The following LRCH2 variants were observed in gnomAD, a reference collection of about 807,000 sequenced individuals.
LRCH2 encodes leucine rich repeats and calponin homology domain containing 2.
LRCH2 carries 38 observed loss-of-function variants against 68.9 expected under a neutral mutation model. The ratio of observed to expected loss-of-function variants is 0.55; its 90% CI spans 0.43 to 0.72. The LOEUF is 0.72. Ranked by LOEUF, LRCH2 falls within the 30% of genes least tolerant of loss-of-function variation. The pLI, the probability that LRCH2 is intolerant of heterozygous loss-of-function variation, is 0.00. For synonymous variants in LRCH2, 191 were observed against 208.1 expected, an observed-to-expected ratio of 0.92 and a Z score of 0.71; for missense variants, 528 against 572.9, an observed-to-expected ratio of 0.92 and a Z score of 0.80.
intron 1 of LRCH2, among the ~76,000 whole-genome samples, chrX:115,197,228 A>G (rs1349643959): frequency 9.0e-6 from 1 of 111,538 alleles, no homozygotes; most frequent in African/African-American, 3.3e-5. Context: ...TACAGAAAAC[A>G]TGAAAAAGCT....
intron 5 of LRCH2, among the ~76,000 whole-genome samples, chrX:115,174,345 C>T (rs1556549028): frequency 9.1e-6 from 1 of 110,059 alleles, no homozygotes; most frequent in Non-Finnish European, 1.9e-5. Flanking sequence ...AGGATGGTAC[C>T]GTTTAAAATC....
At chrX:115,137,194 G>A (rs1209688880) in intron 14 of LRCH2, among the ~76,000 whole-genome samples, 8 of 111,301 alleles carry the variant, frequency 7.2e-5, no homozygotes, top group African/African-American at 2.0e-4. Flanking sequence ...CCATTAATCA[G>A]TTATCACAAT....
rs1556551828 is a variant in LRCH2 at position 115,179,557 on chromosome X, C to T, written c.734G>A (p.Gly245Glu). The T allele has an allele frequency of 1.8e-6, 2 of 1,126,735 alleles. No homozygotes were observed. Among genetic ancestry groups the T allele is most frequent in the East Asian group, 3.4e-5 (1 of 29,681 alleles). The allele number at this position is 1,126,735 out of a possible 1,213,427, so 92.9% of individuals were successfully genotyped here. A position where few individuals can be genotyped will look rare whatever the true frequency, so the allele number is the denominator to read the frequency against. The change falls in exon 5 of 21, where the codon GGA (glycine) becomes GAA (glutamate). Residue 245 changes from glycine to glutamate, a missense_variant. By Grantham distance (98) the Gly-to-Glu change is moderately conservative. Coordinates refer to ENST00000317135, the MANE Select transcript of LRCH2 (RefSeq NM_020871.4). ...NNLHVLPDEL[G>E]DLPLVKLDFS... Reference sequence around the variant, plus strand: ...ATCCAGCTTGACTAAGGGAAGGTCTCCTAATTCTGGTCAGAAATGAAAAAT... The same window carrying T: ...ATCCAGCTTGACTAAGGGAAGGTCTTCTAATTCTGGTCAGAAATGAAAAAT...
intron 1 of LRCH2, among the ~76,000 whole-genome samples, chrX:115,207,557 T>C (rs939373855): frequency 9.0e-6 from 1 of 111,011 alleles, no homozygotes; most frequent in Non-Finnish European, 1.9e-5. Flanking sequence ...TAAAAATAAA[T>C]AAAAATCGGA....
chrX:115,194,641 G>A (rs1444550919), intron 1 of LRCH2, among the ~76,000 whole-genome samples: 4 of 112,087 alleles, frequency 3.6e-5, no homozygotes, highest in Non-Finnish European at 7.5e-5. Flanking sequence ...ATAGGGTTAA[G>A]AGAAAATGGA....
At chrX:115,227,152 G>A (rs1556576545) in intron 1 of LRCH2, among the ~76,000 whole-genome samples, 1 of 110,576 alleles carries the variant, frequency 9.0e-6, no homozygotes, top group African/African-American at 3.3e-5. Context: ...AGCCAGGTGT[G>A]GTGCTGCAGG....
intron 1 of LRCH2, among the ~76,000 whole-genome samples, chrX:115,231,695 A>G (rs1319541852): frequency 8.9e-6 from 1 of 112,213 alleles, no homozygotes; most frequent in African/African-American, 3.2e-5. Context: ...AAGGCTTAAA[A>G]GCCAAAGGCT....
chrX:115,165,317 T>C (rs962512328), intron 10 of LRCH2, 88 bp downstream of exon 10: 25 of 650,537 alleles, frequency 3.8e-5, no homozygotes, highest in Non-Finnish European at 4.1e-5. Context: ...CAAAAAATTA[T>C]ATTTTTTTCA....
intron 12 of LRCH2, among the ~76,000 whole-genome samples, chrX:115,151,234 G>C (rs1556538245): frequency 9.0e-6 from 1 of 111,257 alleles, no homozygotes; most frequent in African/African-American, 3.3e-5. Context: ...ACTAGCTCCA[G>C]AATCTACAGA....
chrX:115,142,047 T>C (rs1317270408), intron 14 of LRCH2, among the ~76,000 whole-genome samples: 1 of 110,932 alleles, frequency 9.0e-6, no homozygotes, highest in Non-Finnish European at 1.9e-5. Flanking sequence ...GATTTCAAGA[T>C]AAAAATGAAC....
At chrX:115,229,959 A>C (rs1556577914) in intron 1 of LRCH2, among the ~76,000 whole-genome samples, 1 of 112,109 alleles carries the variant, frequency 8.9e-6, no homozygotes, top group African/African-American at 3.2e-5. Context: ...TGTTTCACAG[A>C]CCTACTGCTC....
At chrX:115,190,619 G>GAGGCCGCTCGCCCAACGCCCACAGCGT in intron 1 of LRCH2, 1 of 1,058,742 alleles carries the variant, frequency 9.4e-7, no homozygotes, top group Non-Finnish European at 1.2e-6. Flanking sequence ...GAGGAGTACA[G>GAGGCCGCTCGCCCAACGCCCACAGCGT]AGGCCGCTCG....
chrX:115,218,811 C>T (rs1424297851), intron 1 of LRCH2, among the ~76,000 whole-genome samples: 1 of 111,956 alleles, frequency 8.9e-6, no homozygotes, highest in African/African-American at 3.2e-5. Flanking sequence ...CTGCTGCCAC[C>T]CTGTAGAGTG....
At chrX:115,158,247 G>A (rs782583397) in intron 11 of LRCH2, among the ~76,000 whole-genome samples, 1 of 111,815 alleles carries the variant, frequency 8.9e-6, no homozygotes, top group South Asian at 3.7e-4. Context: ...ACTGAATGAT[G>A]CTCCTACAAC....
At chrX:115,177,426 A>T (rs1260037700) in intron 5 of LRCH2, among the ~76,000 whole-genome samples, 2 of 111,001 alleles carry the variant, frequency 1.8e-5, no homozygotes, top group African/African-American at 6.6e-5. Context: ...GAAGAAATCC[A>T]CCAATTCTGC....
At chrX:115,186,204 T>C in intron 2 of LRCH2, among the ~76,000 whole-genome samples, 2 of 110,710 alleles carry the variant, frequency 1.8e-5, no homozygotes. Context: ...CTACTAAAAA[T>C]TAGTCGGGCC....
chrX:115,155,957 G>T (rs781853220), intron 12 of LRCH2, among the ~76,000 whole-genome samples: 2 of 111,355 alleles, frequency 1.8e-5, no homozygotes, highest in South Asian at 7.6e-4. Context: ...TAATAAATGG[G>T]AGTCACAAGT....
At chrX:115,132,272 A>C (rs1222633141) in intron 14 of LRCH2, among the ~76,000 whole-genome samples, 1 of 111,814 alleles carries the variant, frequency 8.9e-6, no homozygotes, top group Non-Finnish European at 1.9e-5. Context: ...GGTGTAAGGA[A>C]GAGATCCAGT....
Position 115,111,121 on chromosome X carries a change from T to C in LRCH2, c.*2095A>G, listed in dbSNP as rs2072039835. 9.0e-6 allele frequency: 1 copy of C among 111,701 alleles called. No individual in the cohort carries two copies. The highest frequency in any genetic ancestry group is 1.9e-5 in the Non-Finnish European group (1 of 53,150). The allele number at this position is 111,701 out of a possible 1,213,427, so 9.2% of individuals were successfully genotyped here. Reference sequence around the variant, plus strand: ...AGGGGACCATGCTGTGAAACTGCTTTAGACGTGGTGTTGCCATTTGGCACA... The same window carrying C: ...AGGGGACCATGCTGTGAAACTGCTTCAGACGTGGTGTTGCCATTTGGCACA... On this transcript the variant is annotated 3_prime_UTR_variant, in exon 21 of 21. Coordinates refer to ENST00000317135, the MANE Select transcript of LRCH2 (RefSeq NM_020871.4).
Sources: gnomAD v4.1 joint callset for allele counts (sites outside exome capture counted in the v4.1 genomes callset) on GRCh38, gnomAD v4.1.1 for gene constraint, MANE v1.5 for transcripts, NCBI Gene and HGNC (gene_info 2026-07-23, HGNC 2026-07-21) for gene names.